The following FRK variants were observed in gnomAD, a reference collection of about 807,000 sequenced individuals.
FRK encodes tyrosine-protein kinase FRK.
Under a neutral mutation model 56.4 loss-of-function variants are expected in FRK, and 51 were observed. The observed-to-expected ratio is 0.90, with a 90% confidence interval of 0.72 to 1.14. FRK has a LOEUF of 1.14. FRK is among the 50% of genes most tolerant of loss of function. The pLI, the probability that FRK is intolerant of heterozygous loss-of-function variation, is 0.00. For missense variants in FRK, 570 were observed against 601.4 expected, an observed-to-expected ratio of 0.95 and a Z score of 0.55; for synonymous variants, 245 against 217.9, an observed-to-expected ratio of 1.12 and a Z score of -1.10.
At chr6:115,978,305 A>C (rs1774060687) in intron 2 of FRK, among the ~76,000 whole-genome samples, 1 of 152,200 alleles carries the variant, frequency 6.6e-6, no homozygotes, top group Admixed American at 6.5e-5. Context: ...CTTGTTCTAA[A>C]AATGTCTGAA....
chr6:116,061,990 AAAAG>A (rs796893686), upstream of FRK, among the ~76,000 whole-genome samples: 40 of 148,818 alleles, frequency 2.7e-4, no homozygotes, highest in African/African-American at 8.9e-4. Flanking sequence ...AAAAAGAAAG[AAAAG>A]AAAGAAAGAA....
At chr6:116,038,988 A>G (rs533269481) in intron 1 of FRK, 25 of 716,470 alleles carry the variant, frequency 3.5e-5, no homozygotes, top group East Asian at 3.5e-4. Context: ...TTGGGAGATC[A>G]GCCCTGGCAT....
chr6:116,064,211 C>T (rs1777713587), upstream of FRK, among the ~76,000 whole-genome samples: 1 of 152,164 alleles, frequency 6.6e-6, no homozygotes, highest in South Asian at 2.1e-4. Context: ...CTGATGACTT[C>T]CTTGTCATTT....
chr6:116,056,200 G>GT (rs540554217), intron 1 of FRK, among the ~76,000 whole-genome samples: 2,781 of 132,666 alleles, frequency 0.021, 34 homozygotes, highest in South Asian at 0.052. Flanking sequence ...TGTTCATTTG[G>GT]TTTTTTTTTT....
intron 5 of FRK, among the ~76,000 whole-genome samples, chr6:115,951,617 C>A (rs1350449325): frequency 6.6e-6 from 1 of 152,058 alleles, no homozygotes; most frequent in African/African-American, 2.4e-5. Flanking sequence ...CAAAAATTAT[C>A]CAGCTAAGCT....
intron 1 of FRK, among the ~76,000 whole-genome samples, chr6:116,029,902 A>G (rs1776238162): frequency 6.6e-6 from 1 of 152,040 alleles, no homozygotes; most frequent in African/African-American, 2.4e-5. Context: ...TTTTAAGGAA[A>G]ATTTTTTCCA....
Position 115,937,667 on chromosome 6 carries a change from G to T in FRK, c.*4747C>A, listed in dbSNP as rs1324111795. On this transcript the variant is annotated 3_prime_UTR_variant, in exon 8 of 8. Transcript: ENST00000606080. ...ACGGAAAGCAGAAAAAAAAAGCAGG[G>T]GTTGCAATCCTAGTCTCTGATAAAA... 1.3e-5 allele frequency: 2 copies of T among 151,858 alleles called. No homozygotes were observed. 9.4% of individuals were successfully genotyped at this position (151,858 alleles called of 1,614,324 possible). A position where few individuals can be genotyped will look rare whatever the true frequency, so the allele number is the denominator to read the frequency against.
chr6:115,955,725 C>A (rs1252340388), intron 5 of FRK, among the ~76,000 whole-genome samples: 2 of 152,118 alleles, frequency 1.3e-5, no homozygotes, highest in African/African-American at 2.4e-5. Flanking sequence ...ATCATTCCAC[C>A]CTGACATTTC....
At chr6:115,981,641 T>C (rs996623298) in intron 2 of FRK, among the ~76,000 whole-genome samples, 10 of 152,012 alleles carry the variant, frequency 6.6e-5, no homozygotes, top group African/African-American at 2.4e-4. Context: ...CCCCACCCAA[T>C]TTCAGCAATT....
At chr6:116,019,834 C>T (rs1004117854) in intron 1 of FRK, among the ~76,000 whole-genome samples, 4 of 152,118 alleles carry the variant, frequency 2.6e-5, no homozygotes, top group Non-Finnish European at 5.9e-5. Context: ...ATAGTTATGA[C>T]TTATTAAGAC....
upstream of FRK, among the ~76,000 whole-genome samples, chr6:116,061,963 G>A (rs1200182836): frequency 2.8e-5 from 4 of 142,814 alleles, no homozygotes; most frequent in Admixed American, 2.8e-4. Context: ...AAGAAAGAAA[G>A]AAGAAAGAAA....
chr6:116,081,522 G>A, the FRK span, among the ~76,000 whole-genome samples: 4 of 152,210 alleles, frequency 2.6e-5, no homozygotes, highest in South Asian at 6.2e-4. Flanking sequence ...GCCGGGTGTG[G>A]TTGTGGGTGC....
chr6:116,051,960 A>T (rs1420394715), intron 1 of FRK, among the ~76,000 whole-genome samples: 5 of 152,216 alleles, frequency 3.3e-5, no homozygotes, highest in Non-Finnish European at 7.3e-5. Context: ...AACTGAAATT[A>T]CAAGTCTGGC....
chr6:115,994,395 C>A (rs1438986753), intron 2 of FRK, among the ~76,000 whole-genome samples: 1 of 125,522 alleles, frequency 8.0e-6, no homozygotes, highest in Non-Finnish European at 1.6e-5. Context: ...CTTAGAAAAA[C>A]ATGTGCCTGT....
At chr6:115,981,138 T>C (rs1353468510) in intron 2 of FRK, among the ~76,000 whole-genome samples, 1 of 152,162 alleles carries the variant, frequency 6.6e-6, no homozygotes, top group African/African-American at 2.4e-5. Context: ...AATAGGCTGA[T>C]TCTCCAGGAT....
chr6:115,966,062 T>A (rs796947138), intron 4 of FRK, among the ~76,000 whole-genome samples: 41 of 126,554 alleles, frequency 3.2e-4, no homozygotes, highest in South Asian at 7.8e-4. Flanking sequence ...AAAAAAAAAT[T>A]AAAAAAAAAA....
Position 115,944,285 on chromosome 6 carries a change from T to A in FRK, c.1099A>T (p.Ile367Phe), listed in dbSNP as rs1174394679. 5 of 1,612,728 alleles carry A rather than the reference T, an allele frequency of 3.1e-6. No individual in the cohort carries two copies. Among genetic ancestry groups the A allele is most frequent in the Non-Finnish European group, 4.2e-6 (5 of 1,179,574 alleles). The change falls in exon 6 of 8, where the codon ATC (isoleucine) becomes TTC (phenylalanine). Residue 367 changes from isoleucine (I) to phenylalanine (F), a missense_variant. By Grantham distance (21) the Ile-to-Phe change is conservative. Transcript: ENST00000606080. ...AGTCCAAAATCTGCTACTTTGTAGA[T>A]ATTATGTTCACCAACGAGGACATTT... is the stretch of plus-strand genomic sequence containing the variant. ...ARNVLVGEHN[I>F]YKVADFGLAR...
intron 5 of FRK, among the ~76,000 whole-genome samples, chr6:115,946,033 T>C (rs1202571039): frequency 1.3e-5 from 2 of 152,130 alleles, no homozygotes; most frequent in Non-Finnish European, 2.9e-5. Flanking sequence ...CATCCCTGGA[T>C]AGGATTTAGC....
the FRK span, among the ~76,000 whole-genome samples, chr6:116,098,106 T>C: frequency 8.5e-6 from 1 of 117,226 alleles, no homozygotes; most frequent in Non-Finnish European, 1.7e-5. Flanking sequence ...ACAGCTTTTT[T>C]TTTTTTTTTT....
Sources: gnomAD v4.1 joint callset for allele counts (sites outside exome capture counted in the v4.1 genomes callset) on GRCh38, gnomAD v4.1.1 for gene constraint, MANE v1.5 for transcripts, NCBI Gene and HGNC (gene_info 2026-07-23, HGNC 2026-07-21) for gene names.